The following RICTOR variants were observed in gnomAD, a reference collection of about 807,000 sequenced individuals.
RICTOR encodes the protein RPTOR independent companion of MTOR complex 2.
A neutral mutation model predicts 214.9 loss-of-function variants in RICTOR; 49 were observed. The ratio of observed to expected loss-of-function variants is 0.23; its 90% CI spans 0.18 to 0.29. RICTOR has a LOEUF of 0.29. Ranked by LOEUF, RICTOR falls within the 10% of genes least tolerant of loss-of-function variation. The pLI is 1.00. For synonymous variants in RICTOR, 717 were observed against 711.3 expected, an observed-to-expected ratio of 1.01 and a Z score of -0.13; for missense variants, 1,625 against 2,047.0, an observed-to-expected ratio of 0.79 and a Z score of 3.98.
intron 2 of RICTOR, among the ~76,000 whole-genome samples, chr5:39,046,091 C>T (rs1438803004): frequency 2.0e-5 from 3 of 146,738 alleles, no homozygotes; most frequent in Admixed American, 6.9e-5. Flanking sequence ...GGCTCATGCA[C>T]GTAATCCCAA....
intron 9 of RICTOR, 94 bp downstream of exon 9, chr5:38,978,489 T>G (rs1329095290): frequency 2.0e-6 from 1 of 508,374 alleles, no homozygotes; most frequent in African/African-American, 2.0e-5. Context: ...TAAACTCACA[T>G]TTCTCTGGCT....
rs61748211 is a variant in RICTOR at position 38,954,833 on chromosome 5, T to C, written c.2638A>G (p.Ile880Val). The part of the protein sequence containing the change: ...RLQRPHVYLP[I>V]HLYGQLVHHK... Reference sequence around the variant, plus strand: ...TGTACTAGTTGTCCATAAAGGTGTATAGGCAGGTAGACGTGAGGACGCTGT... The same window carrying C: ...TGTACTAGTTGTCCATAAAGGTGTACAGGCAGGTAGACGTGAGGACGCTGT... The change falls in exon 27 of 38, where the codon ATA (isoleucine) becomes GTA (valine). Residue 880 changes from isoleucine (I) to valine (V), a missense_variant. This residue lies in a region of RICTOR where 1,214 missense variants were observed against 1,470.5 expected (regional missense o/e 0.83). Transcript: ENST00000357387. 1.2e-4 allele frequency: 198 copies of C among 1,602,446 alleles called. No homozygotes were observed. The highest frequency in any genetic ancestry group is 1.6e-4 in the Non-Finnish European group (184 of 1,170,338).
intron 2 of RICTOR, among the ~76,000 whole-genome samples, chr5:39,037,194 A>G (rs1356437171): frequency 2.6e-5 from 4 of 152,014 alleles, no homozygotes; most frequent in South Asian, 2.1e-4. Flanking sequence ...CATGGAAACT[A>G]AACAACCTGC....
chr5:38,962,557 A>G lies in RICTOR; in HGVS notation c.1596T>C (p.Leu532=). 1 of 1,573,690 alleles carries G rather than the reference A, an allele frequency of 6.4e-7. No homozygotes were observed. Among genetic ancestry groups the G allele is most frequent in the Non-Finnish European group, 8.7e-7 (1 of 1,154,986 alleles). Residue 532 remains leucine, a synonymous_variant, in exon 18 of 38, where the codon CTT becomes CTC. Transcript: ENST00000357387. ...TATGTTGAAGGACTTGGCTATCTCT[A>G]AGGTTAATTAAAAGAGCTTCCTCTG... ...KDTEEALLIN[L]RDSQVLQHKE...
intron 18 of RICTOR, 58 bp downstream of exon 18, chr5:38,962,427 C>A: frequency 8.6e-7 from 1 of 1,163,310 alleles, no homozygotes; most frequent in Non-Finnish European, 1.3e-6. Flanking sequence ...AAGATAATTA[C>A]GTTATAATTA....
At position 38,944,521 on chromosome 5, in the gene RICTOR, C is replaced by T. The variant is rs1747954771; in HGVS notation, c.4838G>A (p.Arg1613His). ...DDTPMCRILLRKEVLRLVINL... is the reference protein window; with the variant it reads ...DDTPMCRILLHKEVLRLVINL... ...AATGACTAATCTTAGAACTTCTTTGCGAAGGAGTATACGGCACATTGGTGT... is the reference window on the plus strand; with the variant it reads ...AATGACTAATCTTAGAACTTCTTTGTGAAGGAGTATACGGCACATTGGTGT... The change falls in exon 36 of 38, where the codon CGC (arginine) becomes CAC (histidine). Residue 1613 changes from arginine to histidine, a missense_variant. Around this residue, in one of 5 missense-constraint regions of RICTOR, gnomAD observed 44 missense variants for 90.1 expected, o/e 0.49. Transcript: ENST00000357387. The T allele has an allele frequency of 1.2e-6, 2 of 1,611,624 alleles. No individual in the cohort carries two copies. Among genetic ancestry groups the T allele is most frequent in the Middle Eastern group, 1.6e-4 (1 of 6,076 alleles).
At chr5:38,975,724 TTAAA>T in intron 9 of RICTOR, 120 bp from the exon 10 acceptor site, 1 of 509,414 alleles carries the variant, frequency 2.0e-6, no homozygotes, top group Non-Finnish European at 3.2e-6. Context: ...ACACATAAAA[TTAAA>T]ACAAGACAAA....
In RICTOR at chr5:38,946,343, A is replaced by G. The variant is rs1748188611; in HGVS notation, c.4399+125T>C. 4.7e-6 allele frequency: 3 copies of G among 637,448 alleles called. No homozygotes were observed. The Admixed American group carries it at 7.5e-5, about 16-fold the overall frequency. 39.5% of individuals were successfully genotyped at this position (637,448 alleles called of 1,614,324 possible). A position where few individuals can be genotyped will look rare whatever the true frequency, so the allele number is the denominator to read the frequency against. ...AGCTGACTTTAACAATTGTTTTGGT[A>G]TAATTTTAAAGTTGATCCAAAAGTG... On this transcript the variant is annotated intron_variant, in intron 33 of 37. Coordinates refer to ENST00000357387, the MANE Select transcript of RICTOR (RefSeq NM_152756.5).
chr5:38,945,792 T>A, intron 33 of RICTOR, 68 bp from the exon 34 acceptor site: 1 of 792,116 alleles, frequency 1.3e-6, no homozygotes, highest in Admixed American at 3.1e-5. Context: ...TTAAATTATG[T>A]GAAATTTTAA....
In RICTOR at chr5:38,942,309, A is replaced by G. The variant is rs767333816; in HGVS notation, c.5122T>C (p.Ser1708Pro). The G allele has an allele frequency of 4.4e-6, 7 of 1,585,098 alleles. No individual in the cohort carries two copies. Among genetic ancestry groups the G allele is most frequent in the African/African-American group, 1.3e-5 (1 of 74,544 alleles). The change falls in exon 38 of 38, where the codon TCC becomes CCC. Residue 1708 changes from serine to proline, a missense_variant. Ser to Pro is a moderately conservative substitution (Grantham distance 74, BLOSUM62 -1). Coordinates refer to ENST00000357387, the MANE Select transcript of RICTOR (RefSeq NM_152756.5). ...TATCCATCATAAATATGAGGTCAGG[A>G]TTCAGCAGATGTATCAACTATAGGT... ...KQPIVDTSAE[S>P] is the part of the protein sequence containing the mutation.
At chr5:39,068,285 GAA>G (rs1759045505) in intron 2 of RICTOR, among the ~76,000 whole-genome samples, 1 of 152,182 alleles carries the variant, frequency 6.6e-6, no homozygotes, top group Non-Finnish European at 1.5e-5. Context: ...TTCTTTGACT[GAA>G]AGATTCTCAA....
chr5:39,053,068 A>T (rs764079547), intron 2 of RICTOR, among the ~76,000 whole-genome samples: 4 of 152,366 alleles, frequency 2.6e-5, no homozygotes, highest in Non-Finnish European at 4.4e-5. Flanking sequence ...AAACACTTTC[A>T]TGAACTAACA....
chr5:39,006,031 T>C (rs950985523), intron 3 of RICTOR, among the ~76,000 whole-genome samples: 2 of 152,250 alleles, frequency 1.3e-5, no homozygotes, highest in African/African-American at 2.4e-5. Context: ...AATCTCCTCA[T>C]GCTTGATGCA....
At chr5:39,021,841 T>G (rs1415944209) in intron 2 of RICTOR, among the ~76,000 whole-genome samples, 3 of 152,212 alleles carry the variant, frequency 2.0e-5, no homozygotes, top group Non-Finnish European at 2.9e-5. Flanking sequence ...CAACTTTCAC[T>G]TGATAGCTGT....
At position 38,954,922 on chromosome 5, in the gene RICTOR, A is replaced by G; in HGVS notation, c.2610-61T>C. On this transcript the variant is annotated intron_variant, in intron 26 of 37. Transcript: ENST00000357387. Reference sequence around the variant, plus strand: ...TAATTTAAATATGCTAATTAGAACAAAAGAATTTTAATAAATGTTTGATAA... The same window carrying G: ...TAATTTAAATATGCTAATTAGAACAGAAGAATTTTAATAAATGTTTGATAA... 4.0e-6 allele frequency: 3 copies of G among 758,086 alleles called. No individual in the cohort carries two copies. The South Asian group carries it at 5.1e-5, about 13-fold the overall frequency. 47.0% of individuals were successfully genotyped at this position (758,086 alleles called of 1,614,324 possible).
At position 38,942,202 on chromosome 5, in the gene RICTOR, T is replaced by C; in HGVS notation, c.*102A>G. On this transcript the variant is annotated 3_prime_UTR_variant, in exon 38 of 38. Coordinates refer to ENST00000357387, the MANE Select transcript of RICTOR (RefSeq NM_152756.5). Reference sequence around the variant, plus strand: ...CTGCGGAACAGTGTACAGAAGATACTCCTGTCTTTGCTGCCTAGTCAGTCG... The same window carrying C: ...CTGCGGAACAGTGTACAGAAGATACCCCTGTCTTTGCTGCCTAGTCAGTCG... The C allele has an allele frequency of 1.5e-6, 1 of 648,074 alleles. No individual in the cohort carries two copies. Among genetic ancestry groups the C allele is most frequent in the Non-Finnish European group, 2.7e-6 (1 of 365,318 alleles). The allele number at this position is 648,074 out of a possible 1,614,324, so 40.1% of individuals were successfully genotyped here. A position where few individuals can be genotyped will look rare whatever the true frequency, so the allele number is the denominator to read the frequency against.
At chr5:39,055,554 AT>A (rs1318396599) in intron 2 of RICTOR, among the ~76,000 whole-genome samples, 2 of 151,696 alleles carry the variant, frequency 1.3e-5, no homozygotes, top group Admixed American at 1.3e-4. Flanking sequence ...GACTCAATAT[AT>A]TTTTTTCACC....
intron 3 of RICTOR, among the ~76,000 whole-genome samples, chr5:39,010,295 TC>T (rs1217887001): frequency 6.6e-6 from 1 of 152,178 alleles, no homozygotes; most frequent in African/African-American, 2.4e-5. Flanking sequence ...GATTGTAAGT[TC>T]CCTGAGGTCT....
At chr5:38,946,599 CCA>C (rs764937159) in intron 32 of RICTOR, 47 bp from the exon 33 acceptor site, 3 of 1,172,454 alleles carry the variant, frequency 2.6e-6, no homozygotes, top group South Asian at 2.5e-5. Flanking sequence ...AAAAATAAGC[CCA>C]CTTTATGAAA....
Sources: gnomAD v4.1 joint callset for allele counts (sites outside exome capture counted in the v4.1 genomes callset) on GRCh38, gnomAD v4.1.1 for gene constraint, gnomAD v4.1.1 regional missense constraint, MANE v1.5 for transcripts, NCBI Gene and HGNC (gene_info 2026-07-23, HGNC 2026-07-21) for gene names.